CALM2: variants seen among roughly 807,000 people sequenced by gnomAD.
The protein encoded by CALM2 is calmodulin 2, also known as calmodulin-2.
CALM2 carries 2 observed loss-of-function variants against 19.8 expected under a neutral mutation model. The ratio of observed to expected loss-of-function variants is 0.10; its 90% CI spans 0.04 to 0.32. The LOEUF (loss-of-function observed/expected upper bound fraction) is 0.32, where lower values mean the gene tolerates loss of function less well. CALM2 is among the 10% of genes least tolerant of loss of function. The pLI, the probability that CALM2 is intolerant of heterozygous loss-of-function variation, is 1.00. For missense variants in CALM2, 38 were observed against 178.7 expected (o/e 0.21, Z 4.49); for synonymous variants, 51 against 52.1 (o/e 0.98, Z 0.09).
intron 2 of CALM2, among the ~76,000 whole-genome samples, chr2:47,169,158 A>C (rs1666590071): frequency 6.6e-6 from 1 of 152,238 alleles, no homozygotes. Context: ...TCTACCCTAA[A>C]GTGAACATGC....
intron 2 of CALM2, among the ~76,000 whole-genome samples, chr2:47,168,006 G>A (rs563943681): frequency 6.6e-6 from 1 of 151,774 alleles, no homozygotes; most frequent in South Asian, 2.1e-4. Context: ...ACCAAATTTG[G>A]GAGGAAGGGA....
intron 2 of CALM2, among the ~76,000 whole-genome samples, chr2:47,167,144 G>T (rs541568127): frequency 6.6e-6 from 1 of 152,162 alleles, no homozygotes; most frequent in South Asian, 2.1e-4. Context: ...TCATGTACTG[G>T]AACTCTTTTG....
At chr2:47,173,643 GA>G (rs1300319351) in intron 1 of CALM2, 1 of 152,204 alleles carries the variant, frequency 6.6e-6, no homozygotes, top group African/African-American at 2.4e-5. Flanking sequence ...TTTATCTAGT[GA>G]AAGGTGGTGT....
intron 2 of CALM2, among the ~76,000 whole-genome samples, chr2:47,166,840 A>G (rs952250520): frequency 1.3e-5 from 2 of 152,202 alleles, no homozygotes; most frequent in Non-Finnish European, 2.9e-5. Context: ...TGAATGCCAC[A>G]GAACAGCTAT....
intron 2 of CALM2, among the ~76,000 whole-genome samples, chr2:47,168,575 C>A (rs1316605453): frequency 1.1e-4 from 16 of 151,966 alleles, no homozygotes. Flanking sequence ...CCCATCTCTA[C>A]TAAAAATACA....
chr2:47,176,385 C>G, intron 1 of CALM2, 56 bp downstream of exon 1: 1 of 1,603,130 alleles, frequency 6.2e-7, no homozygotes, highest in Non-Finnish European at 8.5e-7. Flanking sequence ...TTAGTCAGTT[C>G]GCTCCAGTCT....
intron 2 of CALM2, among the ~76,000 whole-genome samples, chr2:47,166,966 G>A: frequency 6.6e-6 from 1 of 151,884 alleles, no homozygotes; most frequent in South Asian, 2.1e-4. Flanking sequence ...CAACCCCAAG[G>A]CCCTTCCCTA....
intron 1 of CALM2, chr2:47,171,708 G>A (rs555709863): frequency 4.6e-5 from 7 of 152,268 alleles, no homozygotes; most frequent in African/African-American, 1.7e-4. Flanking sequence ...GTATTGAGAA[G>A]CACAGACAAG....
At chr2:47,176,556 G>A (rs776185579), upstream of CALM2, 20 of 1,557,150 alleles carry the variant, frequency 1.3e-5, no homozygotes, top group Non-Finnish European at 1.7e-5. Context: ...ACCTCCCTCC[G>A]CCAGATCCCT....
At chr2:47,169,533 A>G (rs1666601168) in intron 2 of CALM2, among the ~76,000 whole-genome samples, 1 of 152,208 alleles carries the variant, frequency 6.6e-6, no homozygotes. Context: ...AATTATTCCC[A>G]AAACTGTTTG....
rs1687190212 is a variant in CALM2, at chr2:47,162,515, T to A, written c.178+4A>T. 1.9e-6 allele frequency: 3 copies of A among 1,614,150 alleles called. No homozygotes were observed. Among genetic ancestry groups the A allele is most frequent in the Non-Finnish European group, 1.7e-6 (2 of 1,179,998 alleles). ...CTCCCAGCCCCACAAAATTGAAGAC[T>A]TACCATCAGCATCTACTTCATTAAT... On this transcript the variant is annotated splice_donor_region_variant and intron_variant, in intron 3 of 5. Coordinates refer to ENST00000272298, the MANE Select transcript of CALM2 (RefSeq NM_001743.6).
chr2:47,175,097 T>TTTTTTTTCC (rs751897252), intron 1 of CALM2, among the ~76,000 whole-genome samples: 9 of 126,654 alleles, frequency 7.1e-5, no homozygotes, highest in African/African-American at 3.5e-4. Flanking sequence ...TTTTTTTTTT[T>TTTTTTTTCC]TCAGGAAAGA....
At chr2:47,164,861 G>C (rs1441188422) in intron 2 of CALM2, among the ~76,000 whole-genome samples, 1 of 152,090 alleles carries the variant, frequency 6.6e-6, no homozygotes, top group East Asian at 1.9e-4. Flanking sequence ...TTTATTCCCT[G>C]CCTGCTTATC....
At position 47,167,814 on chromosome 2, in the gene CALM2, C is replaced by CCTTTTTTTTTTTTTT. The variant is rs775532408; in HGVS notation, c.34+2919_34+2920insAAAAAAAAAAAAAAG. 34 of 96,484 alleles carry CCTTTTTTTTTTTTTT rather than the reference C, an allele frequency of 3.5e-4. 5 individuals are homozygous for CCTTTTTTTTTTTTTT. The highest frequency in any genetic ancestry group is 1.9e-3 in the African/African-American group (34 of 17,922). The allele number at this position is 96,484 out of a possible 1,614,324, so 6.0% of individuals were successfully genotyped here. A position where few individuals can be genotyped will look rare whatever the true frequency, so the allele number is the denominator to read the frequency against. ...AAAAAAAAAAATTTTTTTTTCTTTT[C>CCTTTTTTTTTTTTTT]TTTGAGACAGGGTCTTGCTGTGTTG... On this transcript the variant is annotated intron_variant, in intron 2 of 5. Coordinates refer to ENST00000272298, the MANE Select transcript of CALM2 (RefSeq NM_001743.6).
At position 47,176,149 on chromosome 2, in the gene CALM2, G is replaced by A. The variant is rs1573235432; in HGVS notation, c.3+292C>T. 3.0e-5 allele frequency: 14 copies of A among 461,272 alleles called. No homozygotes were observed. The South Asian group carries it at 4.6e-4, about 15-fold the overall frequency. 28.6% of individuals were successfully genotyped at this position (461,272 alleles called of 1,614,324 possible). On this transcript the variant is annotated intron_variant, in intron 1 of 5. Coordinates refer to ENST00000272298, the MANE Select transcript of CALM2 (RefSeq NM_001743.6). The stretch of plus-strand genomic sequence containing the variant: ...TTCTCTCCTTCCCGTGCACTGGGCT[G>A]TCCCTCATCCCGGACCCATCCTCCT...
chr2:47,167,367 C>G (rs976323284), intron 2 of CALM2: 1 of 152,118 alleles, frequency 6.6e-6, no homozygotes, highest in African/African-American at 2.4e-5. Flanking sequence ...TGATGTCATA[C>G]TAGACTGGAA....
chr2:47,171,457 C>T (rs1310401938), intron 1 of CALM2: 2 of 151,954 alleles, frequency 1.3e-5, no homozygotes, highest in African/African-American at 4.8e-5. Flanking sequence ...TGGTATTATC[C>T]CCTATCTTAC....
At chr2:47,171,424 C>G (rs768077709) in intron 1 of CALM2, 3 of 152,430 alleles carry the variant, frequency 2.0e-5, no homozygotes, top group African/African-American at 7.2e-5. Flanking sequence ...TATCCTTATT[C>G]AATCTTAATA....
At chr2:47,170,450 G>A (rs1295552863) in intron 2 of CALM2, among the ~76,000 whole-genome samples, 1 of 152,124 alleles carries the variant, frequency 6.6e-6, no homozygotes, top group Non-Finnish European at 1.5e-5. Context: ...GTAGTCTTCA[G>A]AAAACAAAAC....
Sources: allele counts gnomAD v4.1 joint callset (sites outside exome capture counted in the v4.1 genomes callset), GRCh38; gene constraint gnomAD v4.1.1; transcripts MANE v1.5; gene names NCBI Gene and HGNC (gene_info 2026-07-23, HGNC 2026-07-21).